NCKAP5: variants seen among roughly 807,000 people sequenced by gnomAD.
NCKAP5 encodes NCK associated protein 5.
A neutral mutation model predicts 167.0 loss-of-function variants in NCKAP5; 92 were observed. That is an observed-to-expected ratio of 0.55 (90% CI 0.47 to 0.66). NCKAP5 has a LOEUF of 0.66. NCKAP5 is among the 30% of genes least tolerant of loss of function. The pLI is 0.00. For missense variants in NCKAP5, 2,378 were observed against 2,315.0 expected (o/e 1.03, Z -0.56); for synonymous variants, 891 against 877.4 (o/e 1.02, Z -0.27).
At chr2:133,607,192 G>C in the NCKAP5 span, among the ~76,000 whole-genome samples, 2 of 152,032 alleles carry the variant, frequency 1.3e-5, no homozygotes, top group Non-Finnish European at 2.9e-5. Context: ...ACTGACTCAA[G>C]AGCAAATGCC....
intron 6 of NCKAP5, among the ~76,000 whole-genome samples, chr2:133,027,601 A>C (rs1393195487): frequency 6.6e-6 from 1 of 152,188 alleles, no homozygotes; most frequent in South Asian, 2.1e-4. Context: ...AAGGGTATAT[A>C]GGGAGTTGTA....
intron 5 of NCKAP5, among the ~76,000 whole-genome samples, chr2:133,208,528 G>C (rs2086062685): frequency 6.6e-6 from 1 of 152,138 alleles, no homozygotes; most frequent in Admixed American, 6.5e-5. Flanking sequence ...AAACTACCAA[G>C]TTGTCAAAAA....
At chr2:133,422,850 C>G (rs1468989368) in intron 3 of NCKAP5, among the ~76,000 whole-genome samples, 1 of 152,140 alleles carries the variant, frequency 6.6e-6, no homozygotes, top group Non-Finnish European at 1.5e-5. Flanking sequence ...AAGCATGGCT[C>G]TCAAATGTAC....
chr2:133,653,307 A>C, the NCKAP5 span, among the ~76,000 whole-genome samples: 6 of 152,228 alleles, frequency 3.9e-5, no homozygotes, highest in African/African-American at 9.6e-5. Flanking sequence ...ATATTAAACA[A>C]CATATTGCCA....
At chr2:133,325,059 G>A (rs1350547630) in intron 3 of NCKAP5, among the ~76,000 whole-genome samples, 2 of 152,142 alleles carry the variant, frequency 1.3e-5, no homozygotes, top group Admixed American at 1.3e-4. Flanking sequence ...GAATTCTTCT[G>A]AGCACCTGTT....
chr2:132,949,284 C>T (rs575537458), intron 8 of NCKAP5, among the ~76,000 whole-genome samples: 2 of 152,220 alleles, frequency 1.3e-5, no homozygotes, highest in Admixed American at 6.5e-5. Context: ...AGGGGCAGTC[C>T]CTTCAAGGTT....
At chr2:133,299,729 C>T (rs1680235446) in intron 4 of NCKAP5, among the ~76,000 whole-genome samples, 1 of 152,140 alleles carries the variant, frequency 6.6e-6, no homozygotes, top group Admixed American at 6.5e-5. Flanking sequence ...CCAGCCTGGG[C>T]AACAAGAGCA....
chr2:133,129,843 CAGA>C, intron 6 of NCKAP5, 132 bp downstream of exon 6: 2 of 1,045,030 alleles, frequency 1.9e-6, no homozygotes, highest in Non-Finnish European at 2.6e-6. Flanking sequence ...TCAGTCAGAA[CAGA>C]AGGTCTAAAT....
At chr2:132,852,887 C>A (rs1689180850) in intron 11 of NCKAP5, among the ~76,000 whole-genome samples, 2 of 152,174 alleles carry the variant, frequency 1.3e-5, no homozygotes, top group East Asian at 3.9e-4. Context: ...TACTCTACTG[C>A]ACAACTGTTT....
intron 8 of NCKAP5, among the ~76,000 whole-genome samples, chr2:132,935,831 G>A (rs958260988): frequency 6.6e-6 from 1 of 152,162 alleles, no homozygotes; most frequent in African/African-American, 2.4e-5. Flanking sequence ...AGCTACACAT[G>A]ATGTGGTGTC....
At chr2:133,564,424 G>C (rs942959006) in intron 1 of NCKAP5, among the ~76,000 whole-genome samples, 3 of 152,124 alleles carry the variant, frequency 2.0e-5, no homozygotes, top group Non-Finnish European at 4.4e-5. Flanking sequence ...CTCATTGTGT[G>C]CCAGGTGCTG....
Position 133,276,079 on chromosome 2 carries a change from C to G in NCKAP5, c.143+26958G>C, listed in dbSNP as rs534640465. ...CTCCTCAGCCCATTTACTGTGAAGA[C>G]GAAGAGGATGAAGGTCTTTATGATG... is the stretch of plus-strand genomic sequence containing the variant. On this transcript the variant is annotated intron_variant, in intron 4 of 19. Transcript: ENST00000409261. Among the ~76,000 whole-genome samples the G allele has an allele frequency of 8.2e-4, 125 of 151,846 alleles. 1 individual carries two copies. Among genetic ancestry groups the G allele is most frequent in the Non-Finnish European group, 1.5e-4 (10 of 67,892 alleles).
At chr2:133,194,608 C>A (rs1171967720) in intron 5 of NCKAP5, among the ~76,000 whole-genome samples, 1 of 151,844 alleles carries the variant, frequency 6.6e-6, no homozygotes, top group Non-Finnish European at 1.5e-5. Context: ...ACTATCTATC[C>A]CCGTGTTTCC....
intron 12 of NCKAP5, among the ~76,000 whole-genome samples, chr2:132,790,551 A>T (rs935661526): frequency 1.1e-4 from 17 of 152,256 alleles, no homozygotes; most frequent in Admixed American, 5.2e-4. Context: ...CTCACAGTAC[A>T]GTATCTACTG....
At chr2:133,462,480 T>C (rs1256863082) in intron 3 of NCKAP5, among the ~76,000 whole-genome samples, 13 of 152,348 alleles carry the variant, frequency 8.5e-5, no homozygotes, top group Admixed American at 2.6e-4. Context: ...ATTTTAGTTT[T>C]CTTATTGGAA....
chr2:133,490,705 C>T (rs1681365163), intron 3 of NCKAP5, among the ~76,000 whole-genome samples: 1 of 152,174 alleles, frequency 6.6e-6, no homozygotes. Context: ...ACCTCATGGG[C>T]AATCACTGAG....
chr2:132,877,883 T>A lies in NCKAP5; in HGVS notation c.648+965A>T, dbSNP rs181143037. 2.0e-5 allele frequency among the ~76,000 whole-genome samples: 3 copies of A among 152,314 alleles called. No individual in the cohort carries two copies. In the East Asian group the frequency reaches 5.8e-4, roughly 29 times the overall value. On this transcript the variant is annotated intron_variant, in intron 9 of 19. Transcript: ENST00000409261. ...ATATTGGCAGTTCCCACTGGAAAGG[T>A]ACTGGAACCAGACGAAATGCAGTTC...
chr2:132,777,664 T>C (rs931731071), intron 15 of NCKAP5, among the ~76,000 whole-genome samples: 1 of 152,156 alleles, frequency 6.6e-6, no homozygotes, highest in Non-Finnish European at 1.5e-5. Context: ...AATATGCATG[T>C]TTCTTATTAG....
At chr2:133,292,435 G>A (rs539023483) in intron 4 of NCKAP5, among the ~76,000 whole-genome samples, 1 of 152,184 alleles carries the variant, frequency 6.6e-6, no homozygotes, top group East Asian at 1.9e-4. Flanking sequence ...ACTTAGTAGG[G>A]AATATTTGTA....
Sources: gnomAD v4.1 joint callset for allele counts (sites outside exome capture counted in the v4.1 genomes callset) on GRCh38, gnomAD v4.1.1 for gene constraint, MANE v1.5 for transcripts, NCBI Gene and HGNC (gene_info 2026-07-23, HGNC 2026-07-21) for gene names.